The following DCC variants were observed in gnomAD, a reference collection of about 807,000 sequenced individuals.
The protein encoded by DCC is DCC netrin 1 receptor.
DCC carries 58 observed loss-of-function variants against 172.5 expected under a neutral mutation model. That is an observed-to-expected ratio of 0.34 (90% CI 0.27 to 0.42). The LOEUF (loss-of-function observed/expected upper bound fraction) is 0.42, where lower values mean the gene tolerates loss of function less well. Ranked by LOEUF, DCC falls within the 10% of genes least tolerant of loss-of-function variation. The pLI is 1.00. For synonymous variants in DCC, 709 were observed against 644.5 expected (o/e 1.10, Z -1.52); for missense variants, 1,740 against 1,791.0 (o/e 0.97, Z 0.51).
At chr18:52,746,014 C>T (rs567887224) in intron 1 of DCC, among the ~76,000 whole-genome samples, 3 of 152,136 alleles carry the variant, frequency 2.0e-5, no homozygotes, top group Admixed American at 6.5e-5. Flanking sequence ...ATTCCTGCTC[C>T]ATTGCATGGC....
intron 1 of DCC, among the ~76,000 whole-genome samples, chr18:52,636,140 T>G (rs1283062262): frequency 6.6e-6 from 1 of 152,054 alleles, no homozygotes; most frequent in South Asian, 2.1e-4. Flanking sequence ...CTGAGTCAAT[T>G]AGGAGAGCCA....
intron 5 of DCC, among the ~76,000 whole-genome samples, chr18:52,926,739 CAT>C (rs1371773097): frequency 2.0e-5 from 3 of 150,264 alleles, no homozygotes; most frequent in African/African-American, 7.3e-5. Context: ...CTGAGATAAA[CAT>C]ATGCAAATAC....
intron 5 of DCC, among the ~76,000 whole-genome samples, chr18:53,038,904 A>C (rs2042130051): frequency 1.3e-5 from 2 of 151,994 alleles, no homozygotes; most frequent in Admixed American, 1.3e-4. Context: ...TGCATTAAAA[A>C]AAAAAAACTC....
At chr18:53,330,360 C>A (rs1014405124) in intron 14 of DCC, among the ~76,000 whole-genome samples, 3 of 152,146 alleles carry the variant, frequency 2.0e-5, no homozygotes, top group Admixed American at 1.3e-4. Context: ...CACTCCCTGT[C>A]AATATCCATT....
chr18:53,209,505 TG>T (rs2055712577), intron 11 of DCC, among the ~76,000 whole-genome samples: 1 of 152,186 alleles, frequency 6.6e-6, no homozygotes, highest in Non-Finnish European at 1.5e-5. Flanking sequence ...TTGTTTATTC[TG>T]GGAAAGTACC....
At chr18:52,612,716 A>C (rs2034298261) in intron 1 of DCC, among the ~76,000 whole-genome samples, 1 of 152,130 alleles carries the variant, frequency 6.6e-6, no homozygotes, top group Non-Finnish European at 1.5e-5. Context: ...TATGCTCTGC[A>C]TTTACTTAAA....
chr18:53,439,589 C>T (rs1047192637), intron 22 of DCC, among the ~76,000 whole-genome samples: 13 of 152,032 alleles, frequency 8.6e-5, no homozygotes, highest in African/African-American at 2.7e-4. Flanking sequence ...TCTCTTACAG[C>T]GTGCCACTCT....
chr18:52,728,701 G>A (rs1264219381), intron 1 of DCC, among the ~76,000 whole-genome samples: 1 of 152,154 alleles, frequency 6.6e-6, no homozygotes, highest in African/African-American at 2.4e-5. Flanking sequence ...ACTCACATGA[G>A]CAATTGCAGG....
intron 1 of DCC, among the ~76,000 whole-genome samples, chr18:52,416,528 C>A (rs1379436947): frequency 6.7e-6 from 1 of 150,136 alleles, no homozygotes; most frequent in East Asian, 2.0e-4. Flanking sequence ...GTAGGTCACT[C>A]AGGACTTGCT....
chr18:52,600,729 G>T (rs56079336), intron 1 of DCC, among the ~76,000 whole-genome samples: 2 of 131,984 alleles, frequency 1.5e-5, no homozygotes, highest in Non-Finnish European at 1.7e-5. Context: ...GTTGTTGTTG[G>T]TGTTGTTTTT....
At chr18:53,422,470 G>A (rs1568121182) in intron 21 of DCC, among the ~76,000 whole-genome samples, 3 of 152,032 alleles carry the variant, frequency 2.0e-5, no homozygotes, top group African/African-American at 4.8e-5. Context: ...TGCTCTTGAC[G>A]TTGTGTAATT....
intron 12 of DCC, among the ~76,000 whole-genome samples, chr18:53,248,262 A>G (rs1273433856): frequency 6.6e-6 from 1 of 151,968 alleles, no homozygotes; most frequent in African/African-American, 2.4e-5. Flanking sequence ...CGACCTGAAC[A>G]TTCAGAGATG....
chr18:52,451,243 C>T (rs188255893), intron 1 of DCC, among the ~76,000 whole-genome samples: 4 of 152,178 alleles, frequency 2.6e-5, no homozygotes, highest in East Asian at 1.9e-4. Flanking sequence ...GTATATGAGC[C>T]GTATTCTTAT....
chr18:53,378,417 TTGAA>T (rs5825014), intron 15 of DCC, among the ~76,000 whole-genome samples: 24,300 of 152,042 alleles, frequency 0.16, 2,393 homozygotes, highest in African/African-American at 0.27. Flanking sequence ...GAGTGTCCCT[TTGAA>T]TGAACAAATG....
intron 1 of DCC, among the ~76,000 whole-genome samples, chr18:52,411,310 C>G (rs764550651): frequency 6.6e-6 from 1 of 152,116 alleles, no homozygotes; most frequent in Non-Finnish European, 1.5e-5. Context: ...TAATGCTACC[C>G]CTTCTTCAGC....
chr18:52,631,317 A>G (rs2034671416), intron 1 of DCC, among the ~76,000 whole-genome samples: 2 of 152,258 alleles, frequency 1.3e-5, no homozygotes, highest in Admixed American at 6.5e-5. Flanking sequence ...AAAATAAAAA[A>G]CAGAAAAAGC....
intron 1 of DCC, among the ~76,000 whole-genome samples, chr18:52,500,041 C>G (rs1399350094): frequency 2.0e-5 from 3 of 152,036 alleles, no homozygotes; most frequent in Non-Finnish European, 2.9e-5. Flanking sequence ...ATATTTTTAG[C>G]TAGGACCAGG....
intron 26 of DCC, among the ~76,000 whole-genome samples, chr18:53,488,003 A>G (rs1379108800): frequency 6.6e-6 from 1 of 152,330 alleles, no homozygotes; most frequent in East Asian, 1.9e-4. Context: ...TCTAAAATGA[A>G]GCTCTCTGCA....
At chr18:52,912,091 T>C (rs563595628) in intron 3 of DCC, among the ~76,000 whole-genome samples, 16 of 152,226 alleles carry the variant, frequency 1.1e-4, no homozygotes, top group African/African-American at 3.4e-4. Context: ...TGAACTGTTA[T>C]AGTAAGTGGT....
Sources: allele counts gnomAD v4.1 joint callset (sites outside exome capture counted in the v4.1 genomes callset), GRCh38; gene constraint gnomAD v4.1.1; transcripts MANE v1.5; gene names NCBI Gene and HGNC (gene_info 2026-07-23, HGNC 2026-07-21).